GRXCR1: variants seen among roughly 807,000 people sequenced by gnomAD.
The protein encoded by GRXCR1 is glutaredoxin and cysteine rich domain containing 1.
A neutral mutation model predicts 27.3 loss-of-function variants in GRXCR1; 27 were observed. The ratio of observed to expected loss-of-function variants is 0.99; its 90% CI spans 0.73 to 1.37. The LOEUF (loss-of-function observed/expected upper bound fraction) is 1.37. Among genes scored for constraint, GRXCR1 ranks in the 40% most tolerant of loss-of-function variants. The pLI, the probability that GRXCR1 is intolerant of heterozygous loss-of-function variation, is 0.00. For missense variants in GRXCR1, 379 were observed against 354.4 expected (o/e 1.07, Z -0.56); for synonymous variants, 122 against 131.1 (o/e 0.93, Z 0.47).
intron 3 of GRXCR1, among the ~76,000 whole-genome samples, chr4:43,023,675 T>C (rs138073118): frequency 8.2e-4 from 125 of 152,342 alleles, no homozygotes; most frequent in African/African-American, 2.9e-3. Context: ...AACACAGATG[T>C]TCATTTCTTT....
intron 2 of GRXCR1, among the ~76,000 whole-genome samples, chr4:43,002,933 T>C (rs1355532799): frequency 1.3e-5 from 2 of 152,172 alleles, no homozygotes; most frequent in Non-Finnish European, 2.9e-5. Flanking sequence ...TGGTGGGAGC[T>C]GATTGGATCA....
intron 2 of GRXCR1, among the ~76,000 whole-genome samples, chr4:43,009,351 A>G (rs906089757): frequency 1.3e-5 from 2 of 152,218 alleles, no homozygotes; most frequent in African/African-American, 4.8e-5. Context: ...TGTAGTTAAT[A>G]TAAATTTTTA....
chr4:42,938,238 T>G (rs1298473271), intron 1 of GRXCR1, among the ~76,000 whole-genome samples: 1 of 152,052 alleles, frequency 6.6e-6, no homozygotes, highest in African/African-American at 2.4e-5. Flanking sequence ...CCATTCATGT[T>G]GTAAGTGACA....
At chr4:42,917,228 A>G (rs943939079) in intron 1 of GRXCR1, among the ~76,000 whole-genome samples, 18 of 152,112 alleles carry the variant, frequency 1.2e-4, no homozygotes, top group Admixed American at 1.2e-3. Context: ...ACAAAAATCT[A>G]ATCTGATTTT....
At chr4:42,989,741 G>A (rs1711902324) in intron 2 of GRXCR1, among the ~76,000 whole-genome samples, 1 of 152,038 alleles carries the variant, frequency 6.6e-6, no homozygotes, top group African/African-American at 2.4e-5. Context: ...ATTCCTTTCT[G>A]ATCTCACTTT....
intron 2 of GRXCR1, among the ~76,000 whole-genome samples, chr4:42,997,217 G>T (rs2109794253): frequency 6.6e-6 from 1 of 152,264 alleles, no homozygotes; most frequent in East Asian, 1.9e-4. Context: ...ACTGAAAGTT[G>T]AAATTTGGTT....
intron 1 of GRXCR1, among the ~76,000 whole-genome samples, chr4:42,940,768 G>A (rs978356669): frequency 2.6e-5 from 4 of 151,636 alleles, no homozygotes; most frequent in Non-Finnish European, 5.9e-5. Flanking sequence ...TTTTACTCTC[G>A]TTTTTGCTCT....
At chr4:42,983,730 G>A (rs1344902184) in intron 2 of GRXCR1, among the ~76,000 whole-genome samples, 1 of 151,662 alleles carries the variant, frequency 6.6e-6, no homozygotes, top group Non-Finnish European at 1.5e-5. Context: ...TTAATGCTCT[G>A]CCATAAATCC....
At chr4:42,987,241 A>ATATATAATTATAT (rs1276367661) in intron 2 of GRXCR1, among the ~76,000 whole-genome samples, 35 of 66,380 alleles carry the variant, frequency 5.3e-4, no homozygotes, top group Non-Finnish European at 1.0e-3. Context: ...ATATATATAT[A>ATATATAATTATAT]ATATATAATA....
At chr4:43,029,143 GA>G (rs1560693626) in intron 3 of GRXCR1, among the ~76,000 whole-genome samples, 1 of 152,090 alleles carries the variant, frequency 6.6e-6, no homozygotes, top group Non-Finnish European at 1.5e-5. Context: ...AATTATGAGA[GA>G]ATTATATTAT....
chr4:42,961,859 A>C (rs991091044), intron 1 of GRXCR1, among the ~76,000 whole-genome samples: 7 of 151,950 alleles, frequency 4.6e-5, no homozygotes, highest in Admixed American at 1.3e-4. Flanking sequence ...GGCTTGCTTT[A>C]GTATTTAGCT....
chr4:42,954,064 A>G (rs923269698), intron 1 of GRXCR1, among the ~76,000 whole-genome samples: 2 of 152,168 alleles, frequency 1.3e-5, no homozygotes. Flanking sequence ...TGGAGTATCC[A>G]TATGCACTAG....
chr4:42,983,880 G>T (rs1025122533), intron 2 of GRXCR1, among the ~76,000 whole-genome samples: 1 of 148,524 alleles, frequency 6.7e-6, no homozygotes, highest in South Asian at 2.1e-4. Flanking sequence ...CTGTCACCTG[G>T]GCTGCAGTGC....
rs113498799 is a variant in GRXCR1, at chr4:42,955,338, T to G, written c.385-7554T>G. Reference sequence around the variant, plus strand: ...CCGATACATGTGGGACCATAATTTATTAAAGAGGCAAACCTCTTTAATTCA... The same window carrying G: ...CCGATACATGTGGGACCATAATTTAGTAAAGAGGCAAACCTCTTTAATTCA... On this transcript the variant is annotated intron_variant, in intron 1 of 3. Transcript: ENST00000399770. Among the ~76,000 whole-genome samples the G allele has an allele frequency of 3.3e-3, 504 of 152,254 alleles. 5 individuals are homozygous for G. Among genetic ancestry groups the G allele is most frequent in the African/African-American group, 1.0e-2 (414 of 41,570 alleles).
chr4:42,995,168 T>A (rs1712110142), intron 2 of GRXCR1, among the ~76,000 whole-genome samples: 1 of 152,206 alleles, frequency 6.6e-6, no homozygotes, highest in African/African-American at 2.4e-5. Flanking sequence ...TATTTCCCTC[T>A]AGTTGGAAAT....
intron 1 of GRXCR1, among the ~76,000 whole-genome samples, chr4:42,911,692 C>A (rs1389688873): frequency 6.6e-6 from 1 of 151,882 alleles, no homozygotes; most frequent in Non-Finnish European, 1.5e-5. Flanking sequence ...TCATGTACAC[C>A]CATTAGCTGT....
At chr4:43,029,126 G>C (rs557304136) in intron 3 of GRXCR1, among the ~76,000 whole-genome samples, 2 of 152,006 alleles carry the variant, frequency 1.3e-5, no homozygotes, top group Non-Finnish European at 2.9e-5. Flanking sequence ...ACATCCCACA[G>C]GTTACTAATT....
intron 1 of GRXCR1, among the ~76,000 whole-genome samples, chr4:42,925,751 G>A (rs1747143450): frequency 6.6e-6 from 1 of 151,958 alleles, no homozygotes; most frequent in Non-Finnish European, 1.5e-5. Context: ...GTAACATGGA[G>A]AGAAATTACT....
intron 2 of GRXCR1, among the ~76,000 whole-genome samples, chr4:42,981,886 A>G (rs1256779539): frequency 6.6e-6 from 1 of 152,008 alleles, no homozygotes; most frequent in African/African-American, 2.4e-5. Flanking sequence ...TGACAGTTTG[A>G]TTATATTATG....
Sources: allele counts gnomAD v4.1 joint callset (sites outside exome capture counted in the v4.1 genomes callset), GRCh38; gene constraint gnomAD v4.1.1; transcripts MANE v1.5; gene names NCBI Gene and HGNC (gene_info 2026-07-23, HGNC 2026-07-21).